CSMD1: variants seen among roughly 807,000 people sequenced by gnomAD.
CSMD1 encodes CUB and Sushi multiple domains 1.
In CSMD1, 213 loss-of-function variants were observed where a neutral mutation model predicts 417.5. The ratio of observed to expected loss-of-function variants is 0.51; its 90% CI spans 0.46 to 0.57. The LOEUF (loss-of-function observed/expected upper bound fraction) is 0.57, where lower values mean the gene tolerates loss of function less well. Ranked by LOEUF, CSMD1 falls within the 20% of genes least tolerant of loss-of-function variation. The pLI, the probability that CSMD1 is intolerant of heterozygous loss-of-function variation, is 0.00. For missense variants in CSMD1, 6,923 were observed against 4,529.7 expected, an observed-to-expected ratio of 1.53 and a Z score of -15.17; for synonymous variants, 2,862 against 1,736.8, an observed-to-expected ratio of 1.65 and a Z score of -16.11.
At chr8:3,885,409 C>G (rs957378862) in intron 5 of CSMD1, among the ~76,000 whole-genome samples, 2 of 152,062 alleles carry the variant, frequency 1.3e-5, no homozygotes, top group Non-Finnish European at 2.9e-5. Context: ...GTTATGAGGA[C>G]AATATCCCAT....
chr8:3,743,620 C>T (rs771524013), intron 6 of CSMD1, among the ~76,000 whole-genome samples: 1 of 152,272 alleles, frequency 6.6e-6, no homozygotes, highest in Non-Finnish European at 1.5e-5. Context: ...GTCTCGAAAA[C>T]CTTCCTTCCC....
chr8:4,770,874 T>C (rs780866826), intron 1 of CSMD1, among the ~76,000 whole-genome samples: 1 of 152,092 alleles, frequency 6.6e-6, no homozygotes, highest in African/African-American at 2.4e-5. Context: ...ACAGGGGAAA[T>C]GCTCGTTAAC....
intron 26 of CSMD1, among the ~76,000 whole-genome samples, chr8:3,250,510 A>C (rs185708762): frequency 6.6e-6 from 1 of 152,210 alleles, no homozygotes; most frequent in African/African-American, 2.4e-5. Context: ...ATAGTGCCGC[A>C]ATAAACATAC....
chr8:4,127,689 T>C (rs559010757), intron 3 of CSMD1, among the ~76,000 whole-genome samples: 27 of 152,250 alleles, frequency 1.8e-4, no homozygotes, highest in Non-Finnish European at 2.9e-4. Flanking sequence ...TATTAAATAA[T>C]AGGCAGTCAT....
At chr8:4,211,448 G>A (rs191360116) in intron 3 of CSMD1, among the ~76,000 whole-genome samples, 25 of 152,162 alleles carry the variant, frequency 1.6e-4, no homozygotes, top group East Asian at 1.2e-3. Flanking sequence ...AGCAGTTTAC[G>A]CATGACAAAT....
At chr8:4,356,873 G>C (rs566544004) in intron 3 of CSMD1, among the ~76,000 whole-genome samples, 31 of 152,212 alleles carry the variant, frequency 2.0e-4, no homozygotes, top group Admixed American at 1.4e-3. Context: ...AAAATCTAGA[G>C]GCTGAAACTA....
intron 7 of CSMD1, among the ~76,000 whole-genome samples, chr8:3,671,534 TATATATATATGATCATATATATGATC>T (rs1411853319): frequency 0.34 from 3,210 of 9,356 alleles, 601 homozygotes; most frequent in Admixed American, 0.46. Flanking sequence ...TGATCATATA[TATATATATATGATCATATATATGATC>T]ATATATATAT....
intron 2 of CSMD1, among the ~76,000 whole-genome samples, chr8:4,508,311 T>C (rs1802640836): frequency 1.3e-5 from 2 of 152,110 alleles, no homozygotes; most frequent in Non-Finnish European, 1.5e-5. Flanking sequence ...AAAGATGATA[T>C]GTTTTTCCTT....
intron 3 of CSMD1, among the ~76,000 whole-genome samples, chr8:4,332,877 T>C (rs922776827): frequency 3.3e-5 from 5 of 151,548 alleles, no homozygotes; most frequent in African/African-American, 1.2e-4. Flanking sequence ...AAGGAATGTT[T>C]TTGAGAAAAA....
chr8:3,527,273 A>G (rs554040931), intron 10 of CSMD1, among the ~76,000 whole-genome samples: 35 of 152,340 alleles, frequency 2.3e-4, no homozygotes, highest in Non-Finnish European at 4.6e-4. Context: ...GGGAATTATA[A>G]TGGGAGAAAT....
At chr8:4,051,556 A>G (rs58595789) in intron 3 of CSMD1, among the ~76,000 whole-genome samples, 5,800 of 152,280 alleles carry the variant, frequency 0.038, 353 homozygotes, top group African/African-American at 0.12. Context: ...AGCAACTCCA[A>G]CAATCAAGCA....
intron 1 of CSMD1, among the ~76,000 whole-genome samples, chr8:4,687,734 GTTC>G (rs1205647275): frequency 2.0e-5 from 3 of 151,942 alleles, no homozygotes; most frequent in East Asian, 1.9e-4. Context: ...TCCACACTAG[GTTC>G]TTCTTCTATT....
chr8:2,947,736 C>T (rs181470725), intron 68 of CSMD1, among the ~76,000 whole-genome samples: 2 of 152,186 alleles, frequency 1.3e-5, no homozygotes, highest in East Asian at 1.9e-4. Flanking sequence ...CTCCAGGATT[C>T]GGCTTAGAGC....
chr8:4,401,173 C>T (rs979515818), intron 3 of CSMD1, among the ~76,000 whole-genome samples: 1 of 152,072 alleles, frequency 6.6e-6, no homozygotes, highest in African/African-American at 2.4e-5. Context: ...ACAGGGGTTC[C>T]ATCCAAATTA....
At chr8:4,514,136 A>T (rs1802984472) in intron 2 of CSMD1, among the ~76,000 whole-genome samples, 2 of 152,124 alleles carry the variant, frequency 1.3e-5, no homozygotes, top group Non-Finnish European at 2.9e-5. Flanking sequence ...ATTCACACAG[A>T]GTGAGCTCCT....
rs188169587 is a variant in CSMD1, at chr8:3,245,312, C to T, written c.4154-15081G>A. Among the ~76,000 whole-genome samples, 58 of 152,194 alleles carry T rather than the reference C, an allele frequency of 3.8e-4. No homozygotes were observed. In the South Asian group the frequency reaches 6.6e-3, roughly 17 times the overall value. On this transcript the variant is annotated intron_variant, in intron 26 of 69. Coordinates refer to ENST00000635120, the MANE Select transcript of CSMD1 (RefSeq NM_033225.6). ...TCCAGTTCCTTCCGGTACCTGGGTC[C>T]CAGTCACTAGGAGCCTGTGTAAGGG...
chr8:4,771,857 A>C (rs1295482608), intron 1 of CSMD1, among the ~76,000 whole-genome samples: 1 of 152,150 alleles, frequency 6.6e-6, no homozygotes. Flanking sequence ...TTAATCCACG[A>C]GGGAGTCTGT....
At chr8:4,423,589 T>G (rs986004768) in intron 2 of CSMD1, among the ~76,000 whole-genome samples, 1 of 152,036 alleles carries the variant, frequency 6.6e-6, no homozygotes, top group Non-Finnish European at 1.5e-5. Context: ...GTTAATAGTA[T>G]GGAAGATGGA....
chr8:3,325,844 A>G (rs1315193508), intron 23 of CSMD1, among the ~76,000 whole-genome samples: 3 of 152,190 alleles, frequency 2.0e-5, no homozygotes, highest in South Asian at 2.1e-4. Flanking sequence ...AAAAACAAAA[A>G]CAAAACAAAA....
Sources: gnomAD v4.1 joint callset for allele counts (sites outside exome capture counted in the v4.1 genomes callset) on GRCh38, gnomAD v4.1.1 for gene constraint, MANE v1.5 for transcripts, NCBI Gene and HGNC (gene_info 2026-07-23, HGNC 2026-07-21) for gene names.